OLA1: variants seen among roughly 807,000 people sequenced by gnomAD.
OLA1 encodes Obg like ATPase 1.
A neutral mutation model predicts 48.4 loss-of-function variants in OLA1; 14 were observed. The observed-to-expected ratio is 0.29, with a 90% CI of 0.19 to 0.45. The LOEUF is 0.45. Ranked by LOEUF, OLA1 falls within the 20% of genes least tolerant of loss-of-function variation. The pLI is 1.00. For missense variants in OLA1, 325 were observed against 467.1 expected (o/e 0.70, Z 2.80); for synonymous variants, 127 against 150.4 (o/e 0.84, Z 1.14).
At chr2:174,104,554 C>T (rs538427111) in intron 7 of OLA1, among the ~76,000 whole-genome samples, 3 of 152,082 alleles carry the variant, frequency 2.0e-5, no homozygotes, top group East Asian at 3.9e-4. Flanking sequence ...AAAGAGCTAG[C>T]GTCACTTGGT....
chr2:174,196,719 A>G (rs1174385808), intron 4 of OLA1, among the ~76,000 whole-genome samples: 2 of 152,260 alleles, frequency 1.3e-5, no homozygotes, highest in South Asian at 4.1e-4. Context: ...TGCTATGCAC[A>G]TAAGACAACA....
intron 4 of OLA1, among the ~76,000 whole-genome samples, chr2:174,185,762 T>C (rs1687644077): frequency 6.6e-6 from 1 of 152,120 alleles, no homozygotes; most frequent in South Asian, 2.1e-4. Flanking sequence ...ACCTCGTTTC[T>C]ACTAAAAATA....
chr2:174,081,381 C>G, intron 8 of OLA1, 133 bp from the exon 9 acceptor site: 1 of 639,978 alleles, frequency 1.6e-6, no homozygotes, highest in Non-Finnish European at 2.7e-6. Flanking sequence ...TTTCAGAATA[C>G]ACTGGAAGGG....
At chr2:174,095,644 AC>A (rs1354736067) in intron 7 of OLA1, among the ~76,000 whole-genome samples, 1 of 152,160 alleles carries the variant, frequency 6.6e-6, no homozygotes, top group Admixed American at 6.5e-5. Context: ...CTGGATATCC[AC>A]ATACAAAAAT....
chr2:174,110,319 T>TG (rs1302443585), intron 7 of OLA1, among the ~76,000 whole-genome samples: 174 of 148,870 alleles, frequency 1.2e-3, no homozygotes, highest in Non-Finnish European at 2.0e-3. Context: ...TTTTTTTTTT[T>TG]TTTTGTATTT....
intron 9 of OLA1, chr2:174,079,443 G>A (rs927964453): frequency 2.5e-5 from 4 of 159,156 alleles, no homozygotes; most frequent in Admixed American, 1.9e-4. Flanking sequence ...AATTATCAAA[G>A]GTTTTAAAAA....
chr2:174,123,432 T>C (rs973023141), intron 6 of OLA1, among the ~76,000 whole-genome samples, 155 bp from the exon 7 acceptor site: 18 of 152,046 alleles, frequency 1.2e-4, no homozygotes, highest in Admixed American at 3.3e-4. Flanking sequence ...TGAAATATCA[T>C]GAGTGGGGGA....
intron 4 of OLA1, among the ~76,000 whole-genome samples, chr2:174,143,401 ATT>A (rs781714281): frequency 4.8e-4 from 73 of 152,334 alleles, no homozygotes; most frequent in Middle Eastern, 3.4e-3. Context: ...TCTTGTCAAG[ATT>A]TGAGGCATCT....
chr2:174,220,002 T>A (rs1243744762), intron 4 of OLA1, among the ~76,000 whole-genome samples: 1 of 152,054 alleles, frequency 6.6e-6, no homozygotes, highest in African/African-American at 2.4e-5. Context: ...TGTGGTGGTG[T>A]GCCTCTGTAA....
At chr2:174,221,655 A>C (rs763133196) in intron 4 of OLA1, among the ~76,000 whole-genome samples, 1 of 152,124 alleles carries the variant, frequency 6.6e-6, no homozygotes, top group African/African-American at 2.4e-5. Context: ...GGATGCCCCA[A>C]CTACAAAATT....
intron 4 of OLA1, among the ~76,000 whole-genome samples, chr2:174,168,888 C>A (rs1400189312): frequency 6.6e-6 from 1 of 151,204 alleles, no homozygotes; most frequent in East Asian, 1.9e-4. Context: ...TCTGAACACA[C>A]AGAAGACAGA....
intron 7 of OLA1, among the ~76,000 whole-genome samples, chr2:174,122,294 T>C (rs1377840978): frequency 6.6e-6 from 1 of 152,236 alleles, no homozygotes; most frequent in Non-Finnish European, 1.5e-5. Context: ...ACATTAATTA[T>C]TGTTTTGGCT....
At chr2:174,122,354 A>G (rs781637812) in intron 7 of OLA1, among the ~76,000 whole-genome samples, 5 of 152,230 alleles carry the variant, frequency 3.3e-5, no homozygotes, top group Non-Finnish European at 7.3e-5. Flanking sequence ...TCACTCTTTG[A>G]TATCATATGG....
Position 174,223,153 on chromosome 2 carries a change from G to C in OLA1, c.253C>G (p.Pro85Ala). 2 of 1,613,494 alleles carry C rather than the reference G, an allele frequency of 1.2e-6. No homozygotes were observed. The highest frequency in any genetic ancestry group is 1.7e-6 in the Non-Finnish European group (2 of 1,179,686). ...ATATCCACCACATTTAGAAAGGCAG[G>C]AATTTTGCTGAAAAACAAAAGATGG... ...CQYHKPASKI[P>A]AFLNVVDIAG... The change falls in exon 4 of 11, where the codon CCT becomes GCT. Residue 85 changes from proline to alanine, a missense_variant. By Grantham distance (27) the Pro-to-Ala change is conservative. Coordinates refer to ENST00000284719, the MANE Select transcript of OLA1 (RefSeq NM_013341.5).
At chr2:174,128,725 A>G in intron 5 of OLA1, among the ~76,000 whole-genome samples, 1 of 133,396 alleles carries the variant, frequency 7.5e-6, no homozygotes. Flanking sequence ...GGACAAGAGC[A>G]AAACTTGTCT....
chr2:174,174,040 A>C (rs12992804), intron 4 of OLA1, among the ~76,000 whole-genome samples: 1,218 of 36,290 alleles, frequency 0.034, 16 homozygotes, highest in East Asian at 0.15. Context: ...ACACACAAAA[A>C]AAAAAAAAAA....
intron 4 of OLA1, among the ~76,000 whole-genome samples, chr2:174,208,060 C>T (rs573830736): frequency 1.4e-4 from 21 of 152,288 alleles, no homozygotes; most frequent in African/African-American, 2.9e-4. Context: ...GACATTAAGG[C>T]TCATAAATAC....
intron 4 of OLA1, among the ~76,000 whole-genome samples, chr2:174,163,703 AATAAATAAATATATAT>A (rs1172374449): frequency 2.0e-5 from 1 of 49,740 alleles, no homozygotes; most frequent in Non-Finnish European, 3.5e-5. Flanking sequence ...AAATAAAATA[AATAAATAAATATATAT>A]ATATATATAT....
intron 4 of OLA1, among the ~76,000 whole-genome samples, chr2:174,208,745 C>G (rs1688171038): frequency 1.3e-5 from 2 of 152,182 alleles, no homozygotes; most frequent in East Asian, 3.8e-4. Flanking sequence ...TATCTGTACT[C>G]CCTCCTCCAT....
Sources: gnomAD v4.1 joint callset for allele counts (sites outside exome capture counted in the v4.1 genomes callset) on GRCh38, gnomAD v4.1.1 for gene constraint, MANE v1.5 for transcripts, NCBI Gene and HGNC (gene_info 2026-07-23, HGNC 2026-07-21) for gene names.